Variants in FSTL5 observed in about 807,000 individuals in gnomAD.
FSTL5 encodes the protein follistatin like 5.
In FSTL5, 62 loss-of-function variants were observed where a neutral mutation model predicts 89.1. The ratio of observed to expected loss-of-function variants is 0.70; its 90% CI spans 0.57 to 0.86. The LOEUF (loss-of-function observed/expected upper bound fraction) is 0.86. Among genes scored for constraint, FSTL5 ranks in the 40% least tolerant of loss-of-function variants. The pLI is 0.00. For missense variants in FSTL5, 1,057 were observed against 1,001.6 expected (o/e 1.06, Z -0.75); for synonymous variants, 383 against 346.2 (o/e 1.11, Z -1.18).
chr4:161,482,620 C>A (rs2126456115), intron 12 of FSTL5, among the ~76,000 whole-genome samples: 1 of 152,290 alleles, frequency 6.6e-6, no homozygotes, highest in Admixed American at 6.5e-5. Context: ...ATACTGATGG[C>A]AGATATACCA....
chr4:162,067,018 A>G (rs1738943832), intron 2 of FSTL5, among the ~76,000 whole-genome samples: 1 of 151,908 alleles, frequency 6.6e-6, no homozygotes, highest in Non-Finnish European at 1.5e-5. Flanking sequence ...GTCTTCCACA[A>G]TGGTTGAACT....
chr4:161,585,200 C>T (rs1733565002), intron 8 of FSTL5, among the ~76,000 whole-genome samples: 1 of 152,132 alleles, frequency 6.6e-6, no homozygotes, highest in Admixed American at 6.5e-5. Context: ...TCAAAGTCTC[C>T]TTCATGGGTT....
At position 161,920,707 on chromosome 4, in the gene FSTL5, A is replaced by C. The variant is rs1733972731; in HGVS notation, c.161-55T>G. The C allele has an allele frequency of 2.7e-6, 4 of 1,503,300 alleles. No individual in the cohort carries two copies. In the East Asian group the frequency reaches 6.9e-5, roughly 26 times the overall value. The allele number at this position is 1,503,300 out of a possible 1,614,324, so 93.1% of individuals were successfully genotyped here. A position where few individuals can be genotyped will look rare whatever the true frequency, so the allele number is the denominator to read the frequency against. The stretch of plus-strand genomic sequence containing the variant: ...TTTGGTTCATTTGTCCAAATAATAT[A>C]TATATTTCAGAGTATCAAGTGGAAA... On this transcript the variant is annotated intron_variant, in intron 3 of 15. Coordinates refer to ENST00000306100, the MANE Select transcript of FSTL5 (RefSeq NM_020116.5).
chr4:161,853,043 C>T (rs1030648395), intron 4 of FSTL5, among the ~76,000 whole-genome samples: 1 of 152,174 alleles, frequency 6.6e-6, no homozygotes, highest in Non-Finnish European at 1.5e-5. Context: ...TCTTCTCTCA[C>T]ATTTTTCATT....
At chr4:161,989,107 A>C (rs974659399) in intron 3 of FSTL5, among the ~76,000 whole-genome samples, 15 of 152,192 alleles carry the variant, frequency 9.9e-5, no homozygotes, top group South Asian at 2.1e-4. Flanking sequence ...CCACAACTTG[A>C]GAAATAAAAT....
intron 15 of FSTL5, among the ~76,000 whole-genome samples, chr4:161,448,747 AG>A (rs1195623296): frequency 3.3e-5 from 5 of 152,116 alleles, no homozygotes; most frequent in Admixed American, 6.6e-5. Context: ...ATAAATCCTT[AG>A]CCCCTTACTA....
At chr4:161,985,567 A>G (rs1008424096) in intron 3 of FSTL5, among the ~76,000 whole-genome samples, 2 of 151,958 alleles carry the variant, frequency 1.3e-5, no homozygotes, top group African/African-American at 4.8e-5. Context: ...GACAAACTCA[A>G]TGCATACAGT....
chr4:161,665,130 T>A (rs1736841215), intron 6 of FSTL5, among the ~76,000 whole-genome samples: 1 of 152,188 alleles, frequency 6.6e-6, no homozygotes, highest in Non-Finnish European at 1.5e-5. Context: ...TTAGGAACAC[T>A]CAATTTACCA....
chr4:161,735,603 G>A (rs1739782505), intron 6 of FSTL5, among the ~76,000 whole-genome samples: 1 of 152,124 alleles, frequency 6.6e-6, no homozygotes, highest in Non-Finnish European at 1.5e-5. Context: ...TGCCAGACAT[G>A]TTTTAATTAA....
At chr4:161,633,133 G>A (rs1208917813) in intron 7 of FSTL5, among the ~76,000 whole-genome samples, 1 of 151,622 alleles carries the variant, frequency 6.6e-6, no homozygotes, top group Non-Finnish European at 1.5e-5. Flanking sequence ...TCTCTTTTAG[G>A]CCCGGGGTCA....
chr4:161,483,386 C>T (rs576282630), intron 12 of FSTL5, among the ~76,000 whole-genome samples: 11 of 152,220 alleles, frequency 7.2e-5, no homozygotes, highest in Non-Finnish European at 1.5e-4. Flanking sequence ...TGTGAGTGAC[C>T]TGACAAATAA....
chr4:161,536,709 G>A (rs764006018), intron 10 of FSTL5, among the ~76,000 whole-genome samples: 1 of 152,018 alleles, frequency 6.6e-6, no homozygotes, highest in South Asian at 2.1e-4. Context: ...CACACTAAAA[G>A]GTTGTATGAT....
chr4:162,004,258 T>A (rs560227169), intron 3 of FSTL5, among the ~76,000 whole-genome samples: 21 of 152,312 alleles, frequency 1.4e-4, no homozygotes, highest in Middle Eastern at 3.4e-3. Flanking sequence ...AATGTCCTCC[T>A]AAATTGTCTA....
At chr4:161,516,005 T>C (rs1730810567) in intron 10 of FSTL5, among the ~76,000 whole-genome samples, 1 of 151,706 alleles carries the variant, frequency 6.6e-6, no homozygotes, top group Non-Finnish European at 1.5e-5. Context: ...TCAGGTGAAC[T>C]ATTATTGAAT....
chr4:161,538,515 C>G (rs560419901), intron 9 of FSTL5, among the ~76,000 whole-genome samples: 1 of 152,206 alleles, frequency 6.6e-6, no homozygotes, highest in East Asian at 1.9e-4. Flanking sequence ...TACTCTATAT[C>G]AAATGCATAG....
chr4:161,459,965 AT>A (rs1733502188), intron 13 of FSTL5, among the ~76,000 whole-genome samples: 3 of 151,180 alleles, frequency 2.0e-5, no homozygotes, highest in Admixed American at 2.0e-4. Flanking sequence ...TATAATATTT[AT>A]AATATTTAGC....
intron 7 of FSTL5, among the ~76,000 whole-genome samples, chr4:161,624,747 A>T (rs142674793): frequency 6.6e-6 from 1 of 152,122 alleles, no homozygotes; most frequent in Admixed American, 6.6e-5. Context: ...ATACTATTCC[A>T]AGATTAAAAT....
intron 6 of FSTL5, among the ~76,000 whole-genome samples, chr4:161,680,920 TC>T (rs746326693): frequency 5.3e-5 from 8 of 152,030 alleles, no homozygotes; most frequent in Non-Finnish European, 1.2e-4. Context: ...GTTTGTAAGT[TC>T]CTTTTTGGTA....
At chr4:161,666,902 A>T (rs1032830047) in intron 6 of FSTL5, among the ~76,000 whole-genome samples, 2 of 152,134 alleles carry the variant, frequency 1.3e-5, no homozygotes, top group Admixed American at 1.3e-4. Context: ...AGTGAGATTG[A>T]GAAGTTATAG....
Sources: gnomAD v4.1 joint callset for allele counts (sites outside exome capture counted in the v4.1 genomes callset) on GRCh38, gnomAD v4.1.1 for gene constraint, MANE v1.5 for transcripts, NCBI Gene and HGNC (gene_info 2026-07-23, HGNC 2026-07-21) for gene names.